The following SNX29 variants were observed in gnomAD, a reference collection of about 807,000 sequenced individuals.
The protein encoded by SNX29 is sorting nexin 29, also known as sorting nexin-29.
Under a neutral mutation model 102.1 loss-of-function variants are expected in SNX29, and 78 were observed. That is an observed-to-expected ratio of 0.76 (90% CI 0.64 to 0.92). The LOEUF is 0.92. Among genes scored for constraint, SNX29 ranks in the 40% least tolerant of loss-of-function variants. The pLI is 0.00. For synonymous variants in SNX29, 580 were observed against 414.5 expected (o/e 1.40, Z -4.85); for missense variants, 1,280 against 1,061.7 (o/e 1.21, Z -2.86).
chr16:12,192,342 G>T (rs1432932029), intron 13 of SNX29, among the ~76,000 whole-genome samples: 1 of 152,152 alleles, frequency 6.6e-6, no homozygotes, highest in Non-Finnish European at 1.5e-5. Flanking sequence ...TTGAATACTT[G>T]TCTCCATGTG....
At chr16:12,113,765 T>C (rs1050796156) in intron 11 of SNX29, among the ~76,000 whole-genome samples, 1 of 152,224 alleles carries the variant, frequency 6.6e-6, no homozygotes, top group African/African-American at 2.4e-5. Flanking sequence ...GTCGGGGTCA[T>C]ATCTCTGCTG....
In SNX29 at chr16:12,570,637, C is replaced by T. The variant is rs1000967829; in HGVS notation, c.*2008C>T. 1.7e-5 allele frequency: 4 copies of T among 232,340 alleles called. No individual in the cohort carries two copies. Among genetic ancestry groups the T allele is most frequent in the Admixed American group, 1.7e-4 (3 of 17,774 alleles). 14.4% of individuals were successfully genotyped at this position (232,340 alleles called of 1,614,324 possible). ...GTTCTCTGTTGGATAAAGGAACCTCCCCCATCTGTGACATTCCCTTGGGCC... is the reference window on the plus strand; with the variant it reads ...GTTCTCTGTTGGATAAAGGAACCTCTCCCATCTGTGACATTCCCTTGGGCC... On this transcript the variant is annotated 3_prime_UTR_variant, in exon 21 of 21. Transcript: ENST00000566228.
rs373843627 is a variant in SNX29 at position 12,559,215 on chromosome 16, G to T, written c.2319-9291G>T. ...ACAGTGGGTGAGCAGCGCTTCGTCT[G>T]TATTTACAGCCACTCCCCATCACTC... On this transcript the variant is annotated intron_variant, in intron 20 of 20. Transcript: ENST00000566228. 2.7e-3 allele frequency among the ~76,000 whole-genome samples: 411 copies of T among 152,146 alleles called. 4 individuals are homozygous for T. Among genetic ancestry groups the T allele is most frequent in the African/African-American group, 9.4e-3 (390 of 41,498 alleles).
intron 18 of SNX29, among the ~76,000 whole-genome samples, chr16:12,406,627 A>G (rs890868239): frequency 6.6e-6 from 1 of 152,186 alleles, no homozygotes; most frequent in Admixed American, 6.5e-5. Flanking sequence ...TGAGATTTAT[A>G]TCAATTAAAA....
At chr16:12,361,655 A>C (rs2082302428) in intron 16 of SNX29, among the ~76,000 whole-genome samples, 1 of 152,160 alleles carries the variant, frequency 6.6e-6, no homozygotes, top group East Asian at 1.9e-4. Context: ...ATCTGACTTA[A>C]AAAATTAAAT....
chr16:12,171,413 T>C (rs1461054549), intron 13 of SNX29, among the ~76,000 whole-genome samples: 1 of 152,240 alleles, frequency 6.6e-6, no homozygotes, highest in Non-Finnish European at 1.5e-5. Context: ...TGTGTGGTTT[T>C]GAAGTCATAC....
At chr16:12,271,627 T>A (rs1394368238) in intron 14 of SNX29, among the ~76,000 whole-genome samples, 1 of 125,010 alleles carries the variant, frequency 8.0e-6, no homozygotes, top group Non-Finnish European at 1.6e-5. Flanking sequence ...TGGAACCATC[T>A]TTTTTTTTTT....
intron 15 of SNX29, among the ~76,000 whole-genome samples, chr16:12,289,516 C>T (rs1395084480): frequency 2.0e-5 from 3 of 152,108 alleles, no homozygotes; most frequent in Non-Finnish European, 4.4e-5. Flanking sequence ...CCGGTGGTGG[C>T]GCTGGGCCCT....
Position 12,024,028 on chromosome 16 carries a change from G to C in SNX29, c.123-3292G>C, listed in dbSNP as rs539304527. ...ACAGTTAGCAAGAGCAGGCAGCCCT[G>C]GAAATCAGACCATTAACAGAGAGTG... is the stretch of plus-strand genomic sequence containing the variant. On this transcript the variant is annotated intron_variant, in intron 3 of 20. Coordinates refer to ENST00000566228, the MANE Select transcript of SNX29 (RefSeq NM_032167.5). 3.3e-5 allele frequency among the ~76,000 whole-genome samples: 5 copies of C among 152,214 alleles called. No individual in the cohort carries two copies. In the East Asian group the frequency reaches 9.7e-4, roughly 29 times the overall value.
chr16:12,370,277 G>A (rs1252059206), intron 16 of SNX29, among the ~76,000 whole-genome samples: 1 of 151,670 alleles, frequency 6.6e-6, no homozygotes, highest in South Asian at 2.1e-4. Flanking sequence ...AAAAATAAAG[G>A]TGGCTGGGTG....
intron 13 of SNX29, among the ~76,000 whole-genome samples, chr16:12,168,710 C>T (rs1179783471): frequency 6.6e-6 from 1 of 152,208 alleles, no homozygotes; most frequent in African/African-American, 2.4e-5. Flanking sequence ...TCTGGTTCAC[C>T]TTTGCTGCTA....
intron 18 of SNX29, among the ~76,000 whole-genome samples, chr16:12,453,849 T>C (rs947455031): frequency 1.3e-5 from 2 of 152,296 alleles, no homozygotes; most frequent in East Asian, 1.9e-4. Flanking sequence ...GAAGGTATCT[T>C]TGGAATTTTT....
chr16:12,213,882 T>C (rs1031241272), intron 14 of SNX29, among the ~76,000 whole-genome samples: 1 of 152,160 alleles, frequency 6.6e-6, no homozygotes, highest in Non-Finnish European at 1.5e-5. Context: ...GAGCGATGAA[T>C]ACTGGGTAGG....
chr16:12,524,668 C>G, intron 19 of SNX29, 34 bp from the exon 20 acceptor site: 1 of 1,605,988 alleles, frequency 6.2e-7, no homozygotes, highest in African/African-American at 1.3e-5. Context: ...GTGAGGAAGA[C>G]GTACCAAAGC....
intron 14 of SNX29, among the ~76,000 whole-genome samples, chr16:12,261,042 T>A (rs1198473441): frequency 1.4e-5 from 2 of 143,750 alleles, no homozygotes; most frequent in African/African-American, 5.2e-5. Context: ...GGAGTGAGTG[T>A]GTGCTGAGCT....
At chr16:12,198,221 G>T (rs970115287) in intron 13 of SNX29, among the ~76,000 whole-genome samples, 1 of 152,168 alleles carries the variant, frequency 6.6e-6, no homozygotes, top group African/African-American at 2.4e-5. Flanking sequence ...CCATGGGAAA[G>T]TGTTGAGTGG....
At chr16:12,556,728 G>A (rs1045279238) in intron 20 of SNX29, among the ~76,000 whole-genome samples, 6 of 152,282 alleles carry the variant, frequency 3.9e-5, no homozygotes, top group African/African-American at 7.2e-5. Context: ...GATTTTGTTT[G>A]GAATGTGAAT....
At chr16:12,053,714 T>A (rs1049824501) in intron 8 of SNX29, among the ~76,000 whole-genome samples, 1 of 152,072 alleles carries the variant, frequency 6.6e-6, no homozygotes, top group African/African-American at 2.4e-5. Context: ...TTTTTATTTT[T>A]ACTCTAGTCC....
chr16:12,219,464 G>A (rs572508248), intron 14 of SNX29, among the ~76,000 whole-genome samples: 37 of 152,194 alleles, frequency 2.4e-4, no homozygotes, highest in African/African-American at 7.9e-4. Context: ...TTTAGCAAAC[G>A]CCACTTGTGA....
Sources: gnomAD v4.1 joint callset for allele counts (sites outside exome capture counted in the v4.1 genomes callset) on GRCh38, gnomAD v4.1.1 for gene constraint, MANE v1.5 for transcripts, NCBI Gene and HGNC (gene_info 2026-07-23, HGNC 2026-07-21) for gene names.